The following LDB2 variants were observed in gnomAD, a reference collection of about 807,000 sequenced individuals.
LDB2 encodes the protein LIM domain-binding protein 2.
Under a neutral mutation model 44.3 loss-of-function variants are expected in LDB2, and 12 were observed. The ratio of observed to expected loss-of-function variants is 0.27; its 90% CI spans 0.17 to 0.44. LDB2 has a LOEUF of 0.44. Ranked by LOEUF, LDB2 falls within the 20% of genes least tolerant of loss-of-function variation. The pLI is 1.00. For missense variants in LDB2, 344 were observed against 473.5 expected, an observed-to-expected ratio of 0.73 and a Z score of 2.54; for synonymous variants, 164 against 174.8, an observed-to-expected ratio of 0.94 and a Z score of 0.49.
chr4:16,612,834 C>G (rs1363410546), intron 2 of LDB2, among the ~76,000 whole-genome samples: 1 of 152,188 alleles, frequency 6.6e-6, no homozygotes, highest in Non-Finnish European at 1.5e-5. Context: ...AGGAGGGATC[C>G]CTCCCTAACT....
At chr4:16,852,293 T>C (rs1188768803) in intron 1 of LDB2, among the ~76,000 whole-genome samples, 1 of 152,148 alleles carries the variant, frequency 6.6e-6, no homozygotes, top group Non-Finnish European at 1.5e-5. Flanking sequence ...GTCCTACCCA[T>C]GACTAGGGAG....
At chr4:16,614,851 A>G (rs1045338126) in intron 2 of LDB2, among the ~76,000 whole-genome samples, 1 of 151,132 alleles carries the variant, frequency 6.6e-6, no homozygotes, top group Non-Finnish European at 1.5e-5. Flanking sequence ...CGGGCGGATC[A>G]TGAGGTCAGG....
rs568445039 is a variant in LDB2 at position 16,756,349 on chromosome 4, G to C, written c.235+2809C>G. ...CCTGCAATCCCTGCTACTCGGTAGGGAGGCTAAGTCAGGAGGATCACTTGA... is the reference window on the plus strand; with the variant it reads ...CCTGCAATCCCTGCTACTCGGTAGGCAGGCTAAGTCAGGAGGATCACTTGA... On this transcript the variant is annotated intron_variant, in intron 2 of 7. Coordinates refer to ENST00000304523, the MANE Select transcript of LDB2 (RefSeq NM_001290.5). 7.2e-5 allele frequency among the ~76,000 whole-genome samples: 11 copies of C among 152,250 alleles called. No homozygotes were observed. The East Asian group carries it at 1.7e-3, about 24-fold the overall frequency.
At chr4:16,865,430 G>A (rs752455227) in intron 1 of LDB2, among the ~76,000 whole-genome samples, 2 of 152,136 alleles carry the variant, frequency 1.3e-5, no homozygotes, top group Non-Finnish European at 2.9e-5. Context: ...CCAGCTTGAT[G>A]CACAGGGGCT....
At chr4:16,599,758 A>G (rs1005737386) in intron 2 of LDB2, among the ~76,000 whole-genome samples, 5 of 152,194 alleles carry the variant, frequency 3.3e-5, no homozygotes, top group Non-Finnish European at 4.4e-5. Flanking sequence ...CATTCTATTG[A>G]TCATTCATCA....
chr4:16,643,477 G>A (rs892214346), intron 2 of LDB2, among the ~76,000 whole-genome samples: 4 of 152,154 alleles, frequency 2.6e-5, no homozygotes, highest in Non-Finnish European at 4.4e-5. Flanking sequence ...AGGCCTAAAT[G>A]TTCTTTGCTA....
chr4:16,559,000 A>G (rs1740941929), intron 5 of LDB2, among the ~76,000 whole-genome samples: 1 of 152,246 alleles, frequency 6.6e-6, no homozygotes, highest in Non-Finnish European at 1.5e-5. Flanking sequence ...AATACTTTAC[A>G]GACAAGCAAA....
chr4:16,846,313 T>G (rs576863296), intron 1 of LDB2, among the ~76,000 whole-genome samples: 1 of 152,296 alleles, frequency 6.6e-6, no homozygotes, highest in South Asian at 2.1e-4. Flanking sequence ...TCAAGATGGC[T>G]AACAAAGCTT....
At chr4:16,785,737 C>T (rs780060171) in intron 1 of LDB2, among the ~76,000 whole-genome samples, 5 of 152,132 alleles carry the variant, frequency 3.3e-5, no homozygotes, top group Non-Finnish European at 7.4e-5. Flanking sequence ...CCTCGACCCA[C>T]ATCCACACCA....
chr4:16,760,651 T>C (rs1397980928), intron 1 of LDB2, among the ~76,000 whole-genome samples: 3 of 152,170 alleles, frequency 2.0e-5, no homozygotes, highest in Non-Finnish European at 4.4e-5. Context: ...AATAAGAGAC[T>C]GGTCCCTACC....
At chr4:16,731,488 CGT>C (rs953726253) in intron 2 of LDB2, among the ~76,000 whole-genome samples, 12 of 152,034 alleles carry the variant, frequency 7.9e-5, no homozygotes, top group African/African-American at 2.4e-4. Context: ...ACAGCATGCA[CGT>C]GTGTGTGTGC....
intron 5 of LDB2, among the ~76,000 whole-genome samples, chr4:16,525,946 C>T (rs756572840): frequency 1.3e-5 from 2 of 152,208 alleles, no homozygotes; most frequent in Non-Finnish European, 2.9e-5. Flanking sequence ...GAATTACAGC[C>T]GCTAATCAAC....
intron 1 of LDB2, among the ~76,000 whole-genome samples, chr4:16,886,749 T>C (rs1408139218): frequency 6.6e-6 from 1 of 152,040 alleles, no homozygotes; most frequent in African/African-American, 2.4e-5. Context: ...CAACACTGTT[T>C]TGGCTGGGCA....
intron 1 of LDB2, among the ~76,000 whole-genome samples, chr4:16,796,333 G>A (rs1354651132): frequency 6.6e-6 from 1 of 152,140 alleles, no homozygotes; most frequent in Non-Finnish European, 1.5e-5. Flanking sequence ...ACACACATAT[G>A]TTTCTAAACT....
chr4:16,587,097 G>A (rs536921001), intron 4 of LDB2, among the ~76,000 whole-genome samples: 6 of 152,288 alleles, frequency 3.9e-5, no homozygotes, highest in East Asian at 1.9e-4. Flanking sequence ...GCTAGGAAGC[G>A]TTTGTTCTAT....
chr4:16,788,886 G>A (rs1200226122), intron 1 of LDB2, among the ~76,000 whole-genome samples: 3 of 152,154 alleles, frequency 2.0e-5, no homozygotes, highest in Non-Finnish European at 4.4e-5. Flanking sequence ...AGCCTACTGG[G>A]GAAGCCAGCA....
At chr4:16,728,447 A>C (rs1760013253) in intron 2 of LDB2, among the ~76,000 whole-genome samples, 1 of 151,950 alleles carries the variant, frequency 6.6e-6, no homozygotes, top group Admixed American at 6.6e-5. Context: ...ACAGTATAGT[A>C]TCAAGTATCA....
chr4:16,677,635 C>T (rs187269676), intron 2 of LDB2, among the ~76,000 whole-genome samples: 1 of 152,328 alleles, frequency 6.6e-6, no homozygotes, highest in African/African-American at 2.4e-5. Flanking sequence ...TTCCATTTAA[C>T]TCCAGAACAT....
Position 16,666,550 on chromosome 4 carries a change from G to A in LDB2, c.236-70675C>T, listed in dbSNP as rs1033200779. Among the ~76,000 whole-genome samples, 8 of 152,274 alleles carry A rather than the reference G, an allele frequency of 5.3e-5. No individual in the cohort carries two copies. In the South Asian group the frequency reaches 6.2e-4, roughly 12 times the overall value. ...CCAGTTACTTCTTTGCTGGTTCTTC[G>A]AGTGTTGCTTCATGTTAAAGAGAAC... is the stretch of plus-strand genomic sequence containing the variant. On this transcript the variant is annotated intron_variant, in intron 2 of 7. Transcript: ENST00000304523.
Sources: gnomAD v4.1 joint callset for allele counts (sites outside exome capture counted in the v4.1 genomes callset) on GRCh38, gnomAD v4.1.1 for gene constraint, MANE v1.5 for transcripts, NCBI Gene and HGNC (gene_info 2026-07-23, HGNC 2026-07-21) for gene names.